MACROD2: variants seen among roughly 807,000 people sequenced by gnomAD.
MACROD2 encodes the protein ADP-ribose glycohydrolase MACROD2.
Under a neutral mutation model 70.4 loss-of-function variants are expected in MACROD2, and 36 were observed. That is an observed-to-expected ratio of 0.51 (90% CI 0.39 to 0.68). The LOEUF is 0.68. Among genes scored for constraint, MACROD2 ranks in the 30% least tolerant of loss-of-function variants. The pLI is 0.00. For synonymous variants in MACROD2, 172 were observed against 178.8 expected (o/e 0.96, Z 0.30); for missense variants, 496 against 538.4 (o/e 0.92, Z 0.78).
At chr20:14,845,080 C>A (rs576132908) in intron 5 of MACROD2, among the ~76,000 whole-genome samples, 32 of 152,160 alleles carry the variant, frequency 2.1e-4, no homozygotes, top group Admixed American at 5.9e-4. Flanking sequence ...TACTAACCAC[C>A]CCCAGCAAAA....
rs532660239 is a variant in MACROD2, at chr20:15,175,811, T to C, written c.419-54129T>C. On this transcript the variant is annotated intron_variant, in intron 5 of 17. Coordinates refer to ENST00000684519, the MANE Select transcript of MACROD2 (RefSeq NM_001351661.2). ...GCTAGGTGCAACCATGGCTGTGTGC[T>C]CCATAGAGCCAGTGGGGGCCAGGAA... is the stretch of plus-strand genomic sequence containing the variant. 9.3e-4 allele frequency among the ~76,000 whole-genome samples: 142 copies of C among 152,294 alleles called. 1 individual carries two copies. The highest frequency in any genetic ancestry group is 1.7e-3 in the Non-Finnish European group (118 of 68,022).
At chr20:14,233,495 G>T (rs1457473019) in intron 3 of MACROD2, among the ~76,000 whole-genome samples, 1 of 150,484 alleles carries the variant, frequency 6.6e-6, no homozygotes, top group Non-Finnish European at 1.5e-5. Context: ...GATTGAGACT[G>T]TCCTGGCTAA....
intron 7 of MACROD2, among the ~76,000 whole-genome samples, chr20:15,454,445 A>ACACACACACG (rs1555822877): frequency 5.7e-5 from 7 of 123,886 alleles, no homozygotes; most frequent in African/African-American, 1.9e-4. Context: ...ACACACACAC[A>ACACACACACG]CACACACACC....
chr20:15,180,383 T>C (rs1358750530), intron 5 of MACROD2, among the ~76,000 whole-genome samples: 1 of 152,252 alleles, frequency 6.6e-6, no homozygotes, highest in Non-Finnish European at 1.5e-5. Context: ...CTAATTATGG[T>C]GCCTGTGCAC....
chr20:15,582,289 C>A (rs571482850), intron 8 of MACROD2, among the ~76,000 whole-genome samples: 2 of 152,132 alleles, frequency 1.3e-5, no homozygotes, highest in Non-Finnish European at 2.9e-5. Context: ...AAGCAGAGTG[C>A]AGAAGGGTGA....
intron 5 of MACROD2, among the ~76,000 whole-genome samples, chr20:15,095,220 G>T (rs1568570501): frequency 6.6e-6 from 1 of 151,282 alleles, no homozygotes; most frequent in Non-Finnish European, 1.5e-5. Flanking sequence ...GGGATTACAG[G>T]CGCCCGCCAC....
At chr20:14,191,005 C>G (rs551140680) in intron 3 of MACROD2, among the ~76,000 whole-genome samples, 1 of 152,078 alleles carries the variant, frequency 6.6e-6, no homozygotes, top group South Asian at 2.1e-4. Flanking sequence ...CCGCGCCTGG[C>G]CATAGGATTC....
chr20:15,159,279 C>G (rs377708), intron 5 of MACROD2, among the ~76,000 whole-genome samples: 1 of 151,788 alleles, frequency 6.6e-6, no homozygotes, highest in Non-Finnish European at 1.5e-5. Flanking sequence ...AAACTCTTCT[C>G]CCCTATTTTC....
intron 7 of MACROD2, among the ~76,000 whole-genome samples, chr20:15,456,529 CTT>C (rs2046729056): frequency 1.3e-5 from 2 of 150,156 alleles, no homozygotes; most frequent in South Asian, 4.4e-4. Context: ...AGTAGATAGT[CTT>C]TGCACCTGGT....
Position 14,326,994 on chromosome 20 carries a change from C to T in MACROD2, c.272-166485C>T. ...GTTCTTCTATAGTCCTGGGCAAACC[C>T]CAGGGAATTGTGCTAAGGTGATTAC... is the stretch of plus-strand genomic sequence containing the variant. On this transcript the variant is annotated intron_variant, in intron 3 of 17. Coordinates refer to ENST00000684519, the MANE Select transcript of MACROD2 (RefSeq NM_001351661.2). The surrounding 1 kb of genome is among the most constrained non-coding windows in gnomAD (Gnocchi z 5.5). 6.2e-7 allele frequency: 1 copy of T among 1,613,676 alleles called. No individual in the cohort carries two copies. Among genetic ancestry groups the T allele is most frequent in the Non-Finnish European group, 8.5e-7 (1 of 1,179,752 alleles).
At chr20:14,619,249 T>G (rs1390111693) in intron 4 of MACROD2, among the ~76,000 whole-genome samples, 2 of 151,556 alleles carry the variant, frequency 1.3e-5, no homozygotes, top group East Asian at 3.9e-4. Context: ...ATACCATGAC[T>G]TCAAAGTCAT....
intron 3 of MACROD2, chr20:14,327,396 G>A (rs199918008): frequency 2.5e-6 from 4 of 1,613,626 alleles, no homozygotes; most frequent in Admixed American, 3.3e-5. Context: ...AACCCGCATC[G>A]CAGCGACACA....
At chr20:15,565,785 G>A (rs1409559771) in intron 8 of MACROD2, among the ~76,000 whole-genome samples, 1 of 152,092 alleles carries the variant, frequency 6.6e-6, no homozygotes, top group East Asian at 1.9e-4. Context: ...ACGCGGTCTG[G>A]CTGTATTGCC....
At chr20:15,792,950 A>C (rs1454601203) in intron 8 of MACROD2, among the ~76,000 whole-genome samples, 1 of 152,210 alleles carries the variant, frequency 6.6e-6, no homozygotes, top group Non-Finnish European at 1.5e-5. Context: ...TATATGGCAC[A>C]ACTGCTGAAA....
intron 4 of MACROD2, among the ~76,000 whole-genome samples, chr20:14,672,132 A>G (rs1329078900): frequency 1.3e-5 from 2 of 152,178 alleles, no homozygotes; most frequent in Non-Finnish European, 2.9e-5. Flanking sequence ...AACAACAGCT[A>G]TTTAATTATT....
chr20:15,083,312 C>T (rs146244701), intron 5 of MACROD2, among the ~76,000 whole-genome samples: 1 of 152,288 alleles, frequency 6.6e-6, no homozygotes, highest in East Asian at 1.9e-4. Context: ...GTAGGCCCAG[C>T]TTAACCAAGC....
intron 8 of MACROD2, among the ~76,000 whole-genome samples, chr20:15,575,725 G>A (rs1263674815): frequency 6.6e-6 from 1 of 152,120 alleles, no homozygotes; most frequent in East Asian, 1.9e-4. Context: ...TGAGAAAAGA[G>A]CACATAAGAA....
intron 5 of MACROD2, among the ~76,000 whole-genome samples, chr20:15,073,234 A>G (rs2075632332): frequency 6.6e-6 from 1 of 152,140 alleles, no homozygotes; most frequent in African/African-American, 2.4e-5. Context: ...AGCTATCTAT[A>G]TTTGAAGACT....
intron 5 of MACROD2, among the ~76,000 whole-genome samples, chr20:15,124,697 T>G (rs1399097888): frequency 2.6e-5 from 4 of 152,054 alleles, no homozygotes; most frequent in Non-Finnish European, 5.9e-5. Context: ...TGTTTTTATT[T>G]TTATATTTCT....
Sources: gnomAD v4.1 joint callset for allele counts (sites outside exome capture counted in the v4.1 genomes callset) on GRCh38, gnomAD v4.1.1 for gene constraint, Gnocchi (gnomAD v3.1) non-coding constraint, MANE v1.5 for transcripts, NCBI Gene and HGNC (gene_info 2026-07-23, HGNC 2026-07-21) for gene names.